CERT1: variants seen among roughly 807,000 people sequenced by gnomAD.
The protein encoded by CERT1 is ceramide transporter 1.
A neutral mutation model predicts 87.9 loss-of-function variants in CERT1; 31 were observed. The ratio of observed to expected loss-of-function variants is 0.35; its 90% CI spans 0.27 to 0.48. The LOEUF is 0.48. Among genes scored for constraint, CERT1 ranks in the 20% least tolerant of loss-of-function variants. CERT1 has a pLI of 0.99. For missense variants in CERT1, 487 were observed against 758.0 expected, an observed-to-expected ratio of 0.64 and a Z score of 4.20; for synonymous variants, 289 against 250.9, an observed-to-expected ratio of 1.15 and a Z score of -1.44.
intron 2 of CERT1, chr5:75,505,729 AT>A (rs995500407): frequency 5.7e-4 from 145 of 252,470 alleles, no homozygotes; most frequent in East Asian, 1.1e-3. Context: ...GGCTTCAAAC[AT>A]TTTTTTTTCC....
chr5:75,442,961 T>TTA (rs1485372107), intron 3 of CERT1, among the ~76,000 whole-genome samples: 1 of 152,162 alleles, frequency 6.6e-6, no homozygotes, highest in Non-Finnish European at 1.5e-5. Context: ...GGAAAAAAAT[T>TTA]TATATATATA....
intron 13 of CERT1, among the ~76,000 whole-genome samples, chr5:75,385,056 A>G (rs1018858084): frequency 6.6e-6 from 1 of 152,198 alleles, no homozygotes; most frequent in Non-Finnish European, 1.5e-5. Context: ...ATAAATTGTT[A>G]TATCTAATCT....
chr5:75,420,529 G>C (rs910298333), intron 5 of CERT1, among the ~76,000 whole-genome samples: 1 of 151,992 alleles, frequency 6.6e-6, no homozygotes, highest in Non-Finnish European at 1.5e-5. Context: ...ATTTTTAGTA[G>C]AGACGGGGTT....
intron 11 of CERT1, among the ~76,000 whole-genome samples, chr5:75,390,883 A>C (rs994780719): frequency 1.3e-5 from 2 of 152,198 alleles, no homozygotes; most frequent in African/African-American, 4.8e-5. Flanking sequence ...AACTCACTGT[A>C]ATCTTGAACT....
At chr5:75,412,543 G>A (rs1024489462) in intron 7 of CERT1, among the ~76,000 whole-genome samples, 7 of 152,096 alleles carry the variant, frequency 4.6e-5, no homozygotes, top group East Asian at 1.9e-4. Flanking sequence ...TGTCACTGAC[G>A]ACTTAATTCT....
At position 75,477,043 on chromosome 5, in the gene CERT1, T is replaced by C. The variant is rs1051114944; in HGVS notation, c.232-17862A>G. On this transcript the variant is annotated intron_variant, in intron 2 of 16. Coordinates refer to ENST00000643780, the MANE Select transcript of CERT1 (RefSeq NM_001379029.1). ...CTTCTGCAAAGGTGTTATCTGAAGA[T>C]ACATGATAACCTTTGCAGATATGAT... is the stretch of plus-strand genomic sequence containing the variant. 4.3e-4 allele frequency among the ~76,000 whole-genome samples: 66 copies of C among 152,340 alleles called. 1 individual carries two copies. The highest frequency in any genetic ancestry group is 1.4e-3 in the African/African-American group (59 of 41,566).
intron 2 of CERT1, 120 bp downstream of exon 2, chr5:75,505,862 T>C (rs1039351755): frequency 7.3e-6 from 5 of 689,162 alleles, no homozygotes; most frequent in Admixed American, 6.1e-5. Context: ...AGAATGTATA[T>C]TCTACAAGGA....
upstream of CERT1, chr5:75,511,905 G>C: frequency 7.5e-7 from 1 of 1,339,574 alleles, no homozygotes; most frequent in Non-Finnish European, 1.0e-6. Flanking sequence ...TCGCGATCCT[G>C]AGGTAACGGG....
At chr5:75,454,410 C>G (rs992996928) in intron 3 of CERT1, among the ~76,000 whole-genome samples, 3 of 152,156 alleles carry the variant, frequency 2.0e-5, no homozygotes, top group African/African-American at 7.2e-5. Context: ...TGACTTATTA[C>G]TTGCTGTTTA....
intron 6 of CERT1, among the ~76,000 whole-genome samples, chr5:75,419,011 C>G (rs923875445): frequency 6.6e-6 from 1 of 152,146 alleles, no homozygotes; most frequent in South Asian, 2.1e-4. Context: ...AGAATACGCA[C>G]GTACATCAAC....
intron 2 of CERT1, among the ~76,000 whole-genome samples, chr5:75,485,929 G>C (rs59427628): frequency 6.6e-6 from 1 of 151,888 alleles, no homozygotes; most frequent in African/African-American, 2.4e-5. Context: ...ACTGAACACC[G>C]AAGGAAGAAC....
Position 75,419,411 on chromosome 5 carries a change from A to G in CERT1, c.609T>C (p.Asp203=). The change falls in exon 6 of 17, where the codon GAT becomes GAC. Residue 203 remains aspartate (D), a synonymous_variant. Coordinates refer to ENST00000643780, the MANE Select transcript of CERT1 (RefSeq NM_001379029.1). The stretch of plus-strand genomic sequence containing the variant: ...AACGCGTTGTAGGAAAGTCATCTTC[A>G]TCATCTTCTACCACTAAATAAAATA... ...ELQRDKVVED[D]EDDFPTTRSD... 1 of 1,607,734 alleles carries G rather than the reference A, an allele frequency of 6.2e-7. No homozygotes were observed. The highest frequency in any genetic ancestry group is 8.5e-7 in the Non-Finnish European group (1 of 1,174,380).
chr5:75,506,861 T>C (rs922605058), intron 1 of CERT1, among the ~76,000 whole-genome samples: 7 of 152,188 alleles, frequency 4.6e-5, no homozygotes, highest in Admixed American at 3.9e-4. Context: ...GTTGCTAAAG[T>C]CTTGCTGCAA....
intron 17 of CERT1, chr5:75,369,941 TG>T: frequency 6.6e-6 from 1 of 152,352 alleles, no homozygotes. Context: ...GTATGAACTC[TG>T]TTGTAACCAA....
chr5:75,469,787 C>T (rs1428234593), intron 2 of CERT1, among the ~76,000 whole-genome samples: 1 of 152,018 alleles, frequency 6.6e-6, no homozygotes, highest in African/African-American at 2.4e-5. Context: ...CACAGAGTGA[C>T]TGGTTGGATT....
rs1761808471 is a variant in CERT1, at chr5:75,386,872, T to C, written c.1285-838A>G. Among the ~76,000 whole-genome samples the C allele has an allele frequency of 2.6e-5, 4 of 152,350 alleles. No homozygotes were observed. In the South Asian group the frequency reaches 6.2e-4, roughly 24 times the overall value. On this transcript the variant is annotated intron_variant, in intron 12 of 16. Transcript: ENST00000643780. ...ACAGCTAGTAAGCTCTTTACTATTC[T>C]TTTTTGTTTTTTGAGACAGAGTTTC...
chr5:75,505,925 TG>T, intron 2 of CERT1, 56 bp downstream of exon 2: 1 of 1,384,376 alleles, frequency 7.2e-7, no homozygotes, highest in Non-Finnish European at 1.0e-6. Flanking sequence ...GAACAGTTCC[TG>T]GTATGTAGCT....
chr5:75,456,496 G>A (rs1031582376), intron 3 of CERT1, among the ~76,000 whole-genome samples: 3 of 151,458 alleles, frequency 2.0e-5, no homozygotes, highest in African/African-American at 7.3e-5. Context: ...TGGCGAAACC[G>A]TGTCTCTACC....
chr5:75,468,332 C>A (rs897299439), intron 2 of CERT1, among the ~76,000 whole-genome samples: 1 of 152,158 alleles, frequency 6.6e-6, no homozygotes, highest in Non-Finnish European at 1.5e-5. Flanking sequence ...TCTGTGTCAA[C>A]CCTCCCACAA....
Sources: allele counts gnomAD v4.1 joint callset (sites outside exome capture counted in the v4.1 genomes callset), GRCh38; gene constraint gnomAD v4.1.1; transcripts MANE v1.5; gene names NCBI Gene and HGNC (gene_info 2026-07-23, HGNC 2026-07-21).